The following ARHGEF26 variants were observed in gnomAD, a reference collection of about 807,000 sequenced individuals.
The protein encoded by ARHGEF26 is Rho guanine nucleotide exchange factor 26.
A neutral mutation model predicts 89.4 loss-of-function variants in ARHGEF26; 59 were observed. The observed-to-expected ratio is 0.66, with a 90% CI of 0.54 to 0.82. The LOEUF is 0.82. ARHGEF26 is among the 40% of genes least tolerant of loss of function. The pLI, the probability that ARHGEF26 is intolerant of heterozygous loss-of-function variation, is 0.00. For synonymous variants in ARHGEF26, 500 were observed against 428.4 expected, an observed-to-expected ratio of 1.17 and a Z score of -2.06; for missense variants, 1,234 against 1,085.6, an observed-to-expected ratio of 1.14 and a Z score of -1.92.
chr3:154,166,864 G>T (rs1317775212), intron 6 of ARHGEF26, among the ~76,000 whole-genome samples: 1 of 152,126 alleles, frequency 6.6e-6, no homozygotes, highest in Admixed American at 6.6e-5. Context: ...TGAGAAACAA[G>T]TCCCCCTGTA....
Position 154,241,420 on chromosome 3 carries a change from GATGA to G in ARHGEF26, c.2300+844_2300+847del, listed in dbSNP as rs570526160. ...GTGTGGTTAAAATGGATCAGCAGCT[GATGA>G]ATAACAACCCTAAAATTGTAGCAAG... On this transcript the variant is annotated intron_variant, in intron 12 of 14. Coordinates refer to ENST00000465093, the MANE Select transcript of ARHGEF26 (RefSeq NM_015595.4). Among the ~76,000 whole-genome samples, 389 of 152,290 alleles carry G rather than the reference GATGA, an allele frequency of 2.6e-3. 3 individuals are homozygous for G. The highest frequency in any genetic ancestry group is 9.1e-3 in the African/African-American group (379 of 41,554).
At chr3:154,197,755 G>A (rs1171753906) in intron 9 of ARHGEF26, among the ~76,000 whole-genome samples, 1 of 152,076 alleles carries the variant, frequency 6.6e-6, no homozygotes, top group African/African-American at 2.4e-5. Context: ...AAATGAAAAT[G>A]TGCTTACCTC....
At chr3:154,209,684 T>C (rs1715243946) in intron 9 of ARHGEF26, among the ~76,000 whole-genome samples, 1 of 152,178 alleles carries the variant, frequency 6.6e-6, no homozygotes, top group East Asian at 1.9e-4. Context: ...CTCACTATGA[T>C]TGCGCCGGGT....
chr3:154,186,066 C>T (rs1025630680), intron 6 of ARHGEF26, among the ~76,000 whole-genome samples: 2 of 151,814 alleles, frequency 1.3e-5, no homozygotes, highest in East Asian at 1.9e-4. Flanking sequence ...GCTAACCTCT[C>T]CTTGGCATAT....
In ARHGEF26 at chr3:154,137,000, G is replaced by A. The variant is rs970779873; in HGVS notation, c.1269+7281G>A. 3.3e-5 allele frequency among the ~76,000 whole-genome samples: 5 copies of A among 152,254 alleles called. No individual in the cohort carries two copies. The East Asian group carries it at 9.7e-4, about 29-fold the overall frequency. ...CTAGTCCACATTTTCAAGTTGGCTTGTGGGTCTTCTGGAATCCTTGTGTCT... is the reference window on the plus strand; with the variant it reads ...CTAGTCCACATTTTCAAGTTGGCTTATGGGTCTTCTGGAATCCTTGTGTCT... On this transcript the variant is annotated intron_variant, in intron 4 of 14. Transcript: ENST00000465093.
At chr3:154,186,210 A>G (rs980954812) in intron 6 of ARHGEF26, among the ~76,000 whole-genome samples, 2 of 151,576 alleles carry the variant, frequency 1.3e-5, no homozygotes, top group Non-Finnish European at 2.9e-5. Flanking sequence ...TTAAAATTCC[A>G]CTGATAGGAA....
At chr3:154,184,734 C>T (rs1317196456) in intron 6 of ARHGEF26, among the ~76,000 whole-genome samples, 2 of 152,236 alleles carry the variant, frequency 1.3e-5, no homozygotes, top group African/African-American at 4.8e-5. Flanking sequence ...CCATCTGTTC[C>T]TCCCTACTAG....
chr3:154,206,968 A>G (rs935381706), intron 9 of ARHGEF26, among the ~76,000 whole-genome samples: 6 of 152,162 alleles, frequency 3.9e-5, no homozygotes, highest in Non-Finnish European at 7.3e-5. Context: ...TACACCTACA[A>G]TCATCTGATC....
At chr3:154,156,594 C>T (rs767365745) in intron 6 of ARHGEF26, among the ~76,000 whole-genome samples, 1 of 152,114 alleles carries the variant, frequency 6.6e-6, no homozygotes, top group Non-Finnish European at 1.5e-5. Flanking sequence ...TAATAACTTA[C>T]ATTACAAAAG....
rs13073165 is a variant in ARHGEF26, at chr3:154,122,373, C to T, written c.381C>T (p.Ser127=). The change falls in exon 2 of 15, where the codon TCC becomes TCT. Residue 127 remains serine, a synonymous_variant. Transcript: ENST00000465093. The stretch of plus-strand genomic sequence containing the variant: ...CGGTGCCTGGCGGCTCCCCGAAATC[C>T]CCAGCAAATGGCGCGGTGACCTTGC... ...PKAVPGGSPK[S]PANGAVTLPA... 0.13 allele frequency: 213,439 copies of T among 1,612,102 alleles called. 17,870 individuals carry two copies. The highest frequency in any genetic ancestry group is 0.37 in the East Asian group (16,638 of 44,826).
chr3:154,254,881 C>A, intron 14 of ARHGEF26, 57 bp downstream of exon 14: 3 of 1,411,094 alleles, frequency 2.1e-6, no homozygotes, highest in Non-Finnish European at 3.0e-6. Context: ...GTGCTATAGA[C>A]CCGAGGAGTG....
intron 6 of ARHGEF26, among the ~76,000 whole-genome samples, chr3:154,174,847 TAAG>T (rs1194243758): frequency 1.3e-5 from 2 of 152,180 alleles, no homozygotes; most frequent in African/African-American, 2.4e-5. Context: ...AAAAAATAGT[TAAG>T]AAATTTGAGT....
chr3:154,194,636 C>T lies in ARHGEF26; in HGVS notation c.1771-8C>T. 1.2e-6 allele frequency: 2 copies of T among 1,601,730 alleles called. No homozygotes were observed. The highest frequency in any genetic ancestry group is 1.7e-6 in the Non-Finnish European group (2 of 1,172,444). On this transcript the variant is annotated splice_polypyrimidine_tract_variant and splice_region_variant and intron_variant, in intron 8 of 14. Transcript: ENST00000465093. ...CAATAAATTTTGTTCACTTTTATTT[C>T]ATTACAGACTATCTGTCAAAAAACA...
intron 6 of ARHGEF26, among the ~76,000 whole-genome samples, chr3:154,161,826 T>G (rs375520126): frequency 6.6e-6 from 1 of 152,124 alleles, no homozygotes; most frequent in African/African-American, 2.4e-5. Context: ...ACCAGCCTGG[T>G]GTTTTCTTTG....
chr3:154,247,693 C>CTT (rs1717885054), intron 12 of ARHGEF26, among the ~76,000 whole-genome samples: 2 of 152,294 alleles, frequency 1.3e-5, no homozygotes, highest in South Asian at 4.1e-4. Context: ...ATTTACTGCC[C>CTT]TTTTTGTTAC....
chr3:154,121,936 C>A lies in ARHGEF26; in HGVS notation c.-51-6C>A. 4 of 1,526,810 alleles carry A rather than the reference C, an allele frequency of 2.6e-6. No homozygotes were observed. In the South Asian group the frequency reaches 5.1e-5, roughly 19 times the overall value. 94.6% of individuals were successfully genotyped at this position (1,526,810 alleles called of 1,614,324 possible). ...GGCACAGTTTCCTAACTTCTTTCCTCTTTAGGCAAGACTAACTCGGTGTTG... is the reference window on the plus strand; with the variant it reads ...GGCACAGTTTCCTAACTTCTTTCCTATTTAGGCAAGACTAACTCGGTGTTG... On this transcript the variant is annotated splice_region_variant and splice_polypyrimidine_tract_variant and intron_variant, in intron 1 of 14. Transcript: ENST00000465093.
intron 3 of ARHGEF26, among the ~76,000 whole-genome samples, chr3:154,124,838 C>T (rs945027673): frequency 2.0e-5 from 3 of 152,034 alleles, no homozygotes; most frequent in Non-Finnish European, 4.4e-5. Context: ...GTATTCTGCC[C>T]ATATTTCCAC....
At chr3:154,175,917 G>A (rs1020000981) in intron 6 of ARHGEF26, among the ~76,000 whole-genome samples, 35 of 152,246 alleles carry the variant, frequency 2.3e-4, no homozygotes, top group African/African-American at 8.2e-4. Context: ...GCAAGGTATA[G>A]TTTAGCTATT....
intron 7 of ARHGEF26, among the ~76,000 whole-genome samples, chr3:154,189,530 G>T (rs1451373778): frequency 6.6e-6 from 1 of 151,900 alleles, no homozygotes; most frequent in African/African-American, 2.4e-5. Flanking sequence ...GTAGAGACTG[G>T]GTTTCACCGT....
Sources: gnomAD v4.1 joint callset for allele counts (sites outside exome capture counted in the v4.1 genomes callset) on GRCh38, gnomAD v4.1.1 for gene constraint, MANE v1.5 for transcripts, NCBI Gene and HGNC (gene_info 2026-07-23, HGNC 2026-07-21) for gene names.